Variants in ROBO2 observed in about 807,000 individuals in gnomAD.
The protein encoded by ROBO2 is roundabout homolog 2.
ROBO2 carries 53 observed loss-of-function variants against 160.8 expected under a neutral mutation model. That is an observed-to-expected ratio of 0.33 (90% CI 0.26 to 0.41). The LOEUF (loss-of-function observed/expected upper bound fraction) is 0.41. Among genes scored for constraint, ROBO2 ranks in the 10% least tolerant of loss-of-function variants. ROBO2 has a pLI of 1.00. For synonymous variants in ROBO2, 664 were observed against 611.7 expected (o/e 1.09, Z -1.26); for missense variants, 1,577 against 1,722.4 (o/e 0.92, Z 1.49).
rs1336489610 is a variant in ROBO2 at position 76,510,097 on chromosome 3, A to G, written c.109+572495A>G. 2.6e-5 allele frequency among the ~76,000 whole-genome samples: 4 copies of G among 152,208 alleles called. No homozygotes were observed. In the East Asian group the frequency reaches 7.7e-4, roughly 29 times the overall value. On this transcript the variant is annotated intron_variant, in intron 2 of 26. Transcript: ENST00000487694. ...TGTGCAGGCTGGACATGCCAAGGGT[A>G]GATTCCCTATGATGCCCTACATGAG...
At chr3:76,506,206 G>C (rs2080787654) in intron 2 of ROBO2, among the ~76,000 whole-genome samples, 2 of 152,002 alleles carry the variant, frequency 1.3e-5, no homozygotes, top group South Asian at 4.1e-4. Flanking sequence ...GTAATATCTT[G>C]CTTTTAAAAA....
chr3:76,504,917 A>G (rs527930328), intron 2 of ROBO2, among the ~76,000 whole-genome samples: 18 of 152,264 alleles, frequency 1.2e-4, no homozygotes, highest in African/African-American at 4.3e-4. Context: ...GGGTGCCAAG[A>G]GTTCATATTG....
At position 76,893,283 on chromosome 3, in the gene ROBO2, A is replaced by G. The variant is rs58718224; in HGVS notation, c.110-204731A>G. The stretch of plus-strand genomic sequence containing the variant: ...AAGAATGAGGGATAAAACAAGAAAA[A>G]AAAAACAAATTTAGAACTTTTCAAG... On this transcript the variant is annotated intron_variant, in intron 2 of 26. Coordinates refer to the ROBO2 transcript ENST00000487694. Among the ~76,000 whole-genome samples the G allele has an allele frequency of 3.0e-3, 449 of 151,344 alleles. 4 individuals are homozygous for G. Among genetic ancestry groups the G allele is most frequent in the African/African-American group, 0.01 (433 of 41,286 alleles).
intron 2 of ROBO2, among the ~76,000 whole-genome samples, chr3:76,496,626 C>A (rs1176736744): frequency 6.6e-6 from 1 of 152,134 alleles, no homozygotes; most frequent in East Asian, 1.9e-4. Flanking sequence ...ATGCTCCGAG[C>A]TGAAATCTTG....
chr3:76,363,401 G>C (rs1321518870), intron 2 of ROBO2, among the ~76,000 whole-genome samples: 4 of 152,048 alleles, frequency 2.6e-5, no homozygotes, highest in Non-Finnish European at 5.9e-5. Flanking sequence ...CAAACATTAA[G>C]ATGTTTAACA....
intron 2 of ROBO2, among the ~76,000 whole-genome samples, chr3:76,614,616 G>A (rs567504174): frequency 1.3e-5 from 2 of 152,004 alleles, no homozygotes; most frequent in Non-Finnish European, 2.9e-5. Flanking sequence ...AGCATTTCAA[G>A]TTGGCATTTA....
chr3:77,196,989 G>GA (rs5850313), intron 2 of ROBO2, among the ~76,000 whole-genome samples: 29 of 138,892 alleles, frequency 2.1e-4, no homozygotes, highest in African/African-American at 2.9e-4. Context: ...AGAAGGTAGA[G>GA]AAAAAAAAAA....
rs146459882 is a variant in ROBO2 at position 76,520,753 on chromosome 3, A to T, written c.110-577261A>T. Reference sequence around the variant, plus strand: ...TGTCAAGAAACCTCTACATTATAGGATGCTAGTAGTCCACATCTTGACAAA... The same window carrying T: ...TGTCAAGAAACCTCTACATTATAGGTTGCTAGTAGTCCACATCTTGACAAA... On this transcript the variant is annotated intron_variant, in intron 2 of 26. Coordinates refer to the ROBO2 transcript ENST00000487694. Among the ~76,000 whole-genome samples, 32 of 152,300 alleles carry T rather than the reference A, an allele frequency of 2.1e-4. 1 individual carries two copies. The East Asian group carries it at 6.2e-3, about 29-fold the overall frequency.
intron 2 of ROBO2, among the ~76,000 whole-genome samples, chr3:76,649,232 T>A (rs1171592833): frequency 1.3e-5 from 2 of 152,198 alleles, no homozygotes; most frequent in East Asian, 1.9e-4. Flanking sequence ...TCTAGTTTTT[T>A]AAATTATTCT....
At chr3:76,708,022 A>G (rs2093207724) in intron 2 of ROBO2, among the ~76,000 whole-genome samples, 1 of 152,156 alleles carries the variant, frequency 6.6e-6, no homozygotes, top group South Asian at 2.1e-4. Context: ...GTAAACTGGA[A>G]TTTGGAATGT....
intron 7 of ROBO2, among the ~76,000 whole-genome samples, chr3:77,548,092 A>G (rs1339394274): frequency 2.0e-5 from 3 of 151,286 alleles, no homozygotes; most frequent in Admixed American, 1.3e-4. Context: ...ACATAGACAT[A>G]CATGCACACA....
At chr3:76,052,741 A>G (rs1266588074) in intron 2 of ROBO2, among the ~76,000 whole-genome samples, 3 of 152,028 alleles carry the variant, frequency 2.0e-5, no homozygotes, top group East Asian at 1.9e-4. Flanking sequence ...TTTTCCCTGC[A>G]TAATCTAACA....
At chr3:75,917,872 TTTGATGG>T (rs1417969873) in intron 1 of ROBO2, among the ~76,000 whole-genome samples, 1 of 49,192 alleles carries the variant, frequency 2.0e-5, no homozygotes, top group East Asian at 7.7e-4. Context: ...TTGCCTACTT[TTTGATGG>T]GGTTGTTTTT....
intron 2 of ROBO2, among the ~76,000 whole-genome samples, chr3:75,940,210 AC>A (rs1285933447): frequency 6.6e-6 from 1 of 152,190 alleles, no homozygotes; most frequent in South Asian, 2.1e-4. Flanking sequence ...AGTTAAAAAA[AC>A]GGAAGACAAA....
At chr3:77,571,351 C>T (rs2093632830) in intron 13 of ROBO2, among the ~76,000 whole-genome samples, 1 of 152,054 alleles carries the variant, frequency 6.6e-6, no homozygotes, top group African/African-American at 2.4e-5. Context: ...GATTTTAGGG[C>T]CACATATAAG....
chr3:77,268,734 A>G (rs2059294815), intron 2 of ROBO2, among the ~76,000 whole-genome samples: 2 of 152,338 alleles, frequency 1.3e-5, no homozygotes, highest in South Asian at 4.1e-4. Context: ...GCAAGCAAGA[A>G]GCAGACATCT....
intron 2 of ROBO2, among the ~76,000 whole-genome samples, chr3:76,427,011 G>A (rs999716107): frequency 1.3e-5 from 2 of 152,136 alleles, no homozygotes; most frequent in Admixed American, 6.6e-5. Flanking sequence ...ATAGATGCAC[G>A]TGAATATGTT....
intron 13 of ROBO2, among the ~76,000 whole-genome samples, chr3:77,571,103 A>G (rs539705403): frequency 1.9e-3 from 294 of 152,162 alleles, no homozygotes; most frequent in Non-Finnish European, 3.7e-3. Flanking sequence ...GTTCAAGGAC[A>G]AAAAGAATTA....
intron 2 of ROBO2, among the ~76,000 whole-genome samples, chr3:77,013,293 G>A (rs2062027449): frequency 6.6e-6 from 1 of 151,978 alleles, no homozygotes; most frequent in Non-Finnish European, 1.5e-5. Context: ...CTGAGAGATT[G>A]GCTGTTTAGG....
Sources: gnomAD v4.1 joint callset for allele counts (sites outside exome capture counted in the v4.1 genomes callset) on GRCh38, gnomAD v4.1.1 for gene constraint, MANE v1.5 for transcripts, NCBI Gene and HGNC (gene_info 2026-07-23, HGNC 2026-07-21) for gene names.